NWD1: variants seen among roughly 807,000 people sequenced by gnomAD.
NWD1 encodes NACHT domain- and WD repeat-containing protein 1.
In NWD1, 129 loss-of-function variants were observed where a neutral mutation model predicts 135.1. That is an observed-to-expected ratio of 0.96 (90% confidence interval 0.83 to 1.11). The LOEUF is 1.11. Ranked by LOEUF, NWD1 falls within the 50% of genes least tolerant of loss-of-function variation. The pLI is 0.00. For missense variants in NWD1, 1,740 were observed against 1,851.3 expected, an observed-to-expected ratio of 0.94 and a Z score of 1.10; for synonymous variants, 773 against 786.0, an observed-to-expected ratio of 0.98 and a Z score of 0.28.
At chr19:16,755,806 G>C (rs1968771394) in intron 6 of NWD1, among the ~76,000 whole-genome samples, 1 of 151,928 alleles carries the variant, frequency 6.6e-6, no homozygotes, top group Admixed American at 6.6e-5. Context: ...CCAAAGTGCT[G>C]GGATTACAGG....
intron 2 of NWD1, among the ~76,000 whole-genome samples, chr19:16,729,604 G>A (rs930447434): frequency 5.4e-5 from 8 of 147,494 alleles, no homozygotes; most frequent in African/African-American, 1.9e-4. Context: ...TAGGCTGGGT[G>A]CAGTGGCTCA....
chr19:16,746,358 T>TCAAA (rs1005420775), intron 5 of NWD1, among the ~76,000 whole-genome samples: 10 of 151,038 alleles, frequency 6.6e-5, no homozygotes, highest in African/African-American at 2.2e-4. Context: ...AGACCCCGTA[T>TCAAA]CAAACAAACA....
chr19:16,811,598 AAAG>A (rs1970926776), intron 18 of NWD1, among the ~76,000 whole-genome samples: 1 of 151,662 alleles, frequency 6.6e-6, no homozygotes, highest in African/African-American at 2.4e-5. Flanking sequence ...AAAAAAAAAA[AAAG>A]AAAGAAAGAA....
chr19:16,720,913 C>T lies in NWD1; in HGVS notation c.-105+620C>T, dbSNP rs927082357. Among the ~76,000 whole-genome samples the T allele has an allele frequency of 3.3e-5, 5 of 151,974 alleles. No homozygotes were observed. The East Asian group carries it at 7.7e-4, about 24-fold the overall frequency. ...TTGCCCAGGCTGGAGCGCAGTGGCA[C>T]GATCTCGGCTCACTGCAACCTCTGC... is the stretch of plus-strand genomic sequence containing the variant. On this transcript the variant is annotated intron_variant, in intron 1 of 18. Coordinates refer to ENST00000524140, the MANE Select transcript of NWD1 (RefSeq NM_001007525.5).
At chr19:16,814,932 C>T (rs1971022999) in intron 18 of NWD1, 96 bp from the exon 19 acceptor site, 2 of 1,062,918 alleles carry the variant, frequency 1.9e-6, no homozygotes, top group Non-Finnish European at 2.8e-6. Context: ...GAGGGCATAG[C>T]AGGAATTTTA....
At chr19:16,781,160 C>T (rs1329889922) in intron 12 of NWD1, among the ~76,000 whole-genome samples, 1 of 152,132 alleles carries the variant, frequency 6.6e-6, no homozygotes, top group Non-Finnish European at 1.5e-5. Context: ...AGGTCCTGTT[C>T]TAGATGCTGA....
chr19:16,745,655 G>A (rs1968281793), intron 5 of NWD1, among the ~76,000 whole-genome samples: 1 of 152,026 alleles, frequency 6.6e-6, no homozygotes, highest in Admixed American at 6.6e-5. Context: ...CAGGAGGATT[G>A]CTTGAGCCCA....
In NWD1 at chr19:16,749,781, C is replaced by T; in HGVS notation, c.1139C>T (p.Ser380Leu). 1 of 1,606,664 alleles carries T rather than the reference C, an allele frequency of 6.2e-7. No individual in the cohort carries two copies. Among genetic ancestry groups the T allele is most frequent in the Non-Finnish European group, 8.5e-7 (1 of 1,175,960 alleles). ...LRLLGTSQMS[S>L]DARGLLKSIC... ...CTGCTGGGGACGTCACAAATGAGCT[C>T]AGATGCCCGTGGCCTGCTGAAGAGC... The change falls in exon 6 of 19, where the codon TCA becomes TTA. Residue 380 changes from serine (S) to leucine (L), a missense_variant. Ser to Leu is a moderately radical substitution (Grantham distance 145). Transcript: ENST00000524140.
intron 1 of NWD1, 76 bp downstream of exon 1, chr19:16,720,369 G>A (rs1163135370): frequency 6.6e-6 from 1 of 152,202 alleles, no homozygotes; most frequent in East Asian, 1.9e-4. Flanking sequence ...CAATGGGATG[G>A]TCAGAGACAG....
At chr19:16,780,452 A>G (rs958860404) in intron 12 of NWD1, among the ~76,000 whole-genome samples, 1 of 151,896 alleles carries the variant, frequency 6.6e-6, no homozygotes, top group Non-Finnish European at 1.5e-5. Context: ...CACCGTGCCC[A>G]GCCAAAGGCA....
chr19:16,746,036 C>G (rs192533471), intron 5 of NWD1, among the ~76,000 whole-genome samples: 1 of 152,188 alleles, frequency 6.6e-6, no homozygotes, highest in African/African-American at 2.4e-5. Flanking sequence ...TCCCCCAAAA[C>G]GTAACTACTA....
chr19:16,783,178 C>T (rs1436919391), intron 12 of NWD1, among the ~76,000 whole-genome samples: 1 of 151,656 alleles, frequency 6.6e-6, no homozygotes, highest in East Asian at 1.9e-4. Context: ...AGCACAGGTG[C>T]ATGCCACCAT....
At chr19:16,724,127 A>G (rs997921082) in intron 1 of NWD1, among the ~76,000 whole-genome samples, 2 of 152,218 alleles carry the variant, frequency 1.3e-5, no homozygotes, top group Non-Finnish European at 2.9e-5. Flanking sequence ...CAGAGAGGAT[A>G]GTAAGAGCAA....
At chr19:16,799,836 T>C (rs762359976) in intron 16 of NWD1, 50 bp from the exon 17 acceptor site, 10 of 1,524,146 alleles carry the variant, frequency 6.6e-6, no homozygotes, top group African/African-American at 1.4e-5. Context: ...TTCTGAACTA[T>C]AGTTGTCCAC....
chr19:16,784,579 G>A (rs1969973479), intron 12 of NWD1, among the ~76,000 whole-genome samples: 2 of 151,940 alleles, frequency 1.3e-5, no homozygotes, highest in African/African-American at 2.4e-5. Context: ...GAGGTTGGCG[G>A]GTCTACAGAA....
At chr19:16,795,704 A>G (rs1181733623) in intron 15 of NWD1, among the ~76,000 whole-genome samples, 1 of 152,152 alleles carries the variant, frequency 6.6e-6, no homozygotes, top group Non-Finnish European at 1.5e-5. Flanking sequence ...AATATGAGCC[A>G]CCACACCTGG....
intron 6 of NWD1, 86 bp downstream of exon 6, chr19:16,750,497 C>A: frequency 1.9e-6 from 2 of 1,077,340 alleles, no homozygotes; most frequent in South Asian, 1.8e-5. Context: ...CTATGTCACC[C>A]AGGCTGGAGT....
rs770832438 is a variant in NWD1 at position 16,763,911 on chromosome 19, G to C, written c.2217G>C (p.Ser739=). ...LKELPYHLLH[S]GRLEELKQEV... is the part of the protein sequence containing the mutation. Reference sequence around the variant, plus strand: ...AGTTGCCCTATCACCTGCTTCACTCGGGCCGCCTGGAGGAGCTGAAACAGG... The same window carrying C: ...AGTTGCCCTATCACCTGCTTCACTCCGGCCGCCTGGAGGAGCTGAAACAGG... The change falls in exon 9 of 19, where the codon TCG becomes TCC. Residue 739 remains serine (S), a synonymous_variant. Transcript: ENST00000524140. The C allele has an allele frequency of 1.9e-6, 3 of 1,613,502 alleles. No homozygotes were observed. Among genetic ancestry groups the C allele is most frequent in the Non-Finnish European group, 2.5e-6 (3 of 1,179,638 alleles).
chr19:16,794,436 C>CT, intron 14 of NWD1, 27 bp from the exon 15 acceptor site: 1 of 1,408,704 alleles, frequency 7.1e-7, no homozygotes, highest in Non-Finnish European at 1.0e-6. Context: ...GTGGAAGTGC[C>CT]TGACAGGCAT....
Sources: gnomAD v4.1 joint callset for allele counts (sites outside exome capture counted in the v4.1 genomes callset) on GRCh38, gnomAD v4.1.1 for gene constraint, MANE v1.5 for transcripts, NCBI Gene and HGNC (gene_info 2026-07-23, HGNC 2026-07-21) for gene names.